NEGR1: variants seen among roughly 807,000 people sequenced by gnomAD.
NEGR1 encodes the protein IgLON family member 4.
A neutral mutation model predicts 40.9 loss-of-function variants in NEGR1; 10 were observed. That is an observed-to-expected ratio of 0.24 (90% CI 0.15 to 0.42). The LOEUF (loss-of-function observed/expected upper bound fraction) is 0.42, where lower values mean the gene tolerates loss of function less well. NEGR1 is among the 10% of genes least tolerant of loss of function. The pLI is 1.00. For missense variants in NEGR1, 352 were observed against 438.9 expected (o/e 0.80, Z 1.77); for synonymous variants, 185 against 166.8 (o/e 1.11, Z -0.84).
At chr1:72,074,790 A>G (rs2100516422) in intron 1 of NEGR1, among the ~76,000 whole-genome samples, 1 of 152,296 alleles carries the variant, frequency 6.6e-6, no homozygotes. Context: ...AACATAAATT[A>G]TCACTCATAT....
intron 2 of NEGR1, among the ~76,000 whole-genome samples, chr1:71,859,304 T>C (rs1659873753): frequency 6.6e-6 from 1 of 152,044 alleles, no homozygotes; most frequent in Non-Finnish European, 1.5e-5. Context: ...GTCTAGTATG[T>C]TCTTTCCTTA....
At chr1:71,967,093 T>C in intron 1 of NEGR1, among the ~76,000 whole-genome samples, 1 of 152,098 alleles carries the variant, frequency 6.6e-6, no homozygotes, top group East Asian at 1.9e-4. Flanking sequence ...TGAGTGGGTT[T>C]GAGGCTAAGA....
chr1:71,843,108 A>G (rs1286197389), intron 2 of NEGR1, among the ~76,000 whole-genome samples: 3 of 152,138 alleles, frequency 2.0e-5, no homozygotes, highest in Non-Finnish European at 4.4e-5. Flanking sequence ...CCAAATGGCA[A>G]ATGAATGTCG....
intron 2 of NEGR1, among the ~76,000 whole-genome samples, chr1:71,886,103 A>G (rs1173382215): frequency 6.6e-6 from 1 of 152,210 alleles, no homozygotes; most frequent in African/African-American, 2.4e-5. Flanking sequence ...GCTGAACGCT[A>G]ATATTTGCAA....
At chr1:71,577,308 C>T (rs1328998906) in intron 6 of NEGR1, among the ~76,000 whole-genome samples, 3 of 152,126 alleles carry the variant, frequency 2.0e-5, no homozygotes, top group African/African-American at 7.2e-5. Context: ...TTGTTTTAGA[C>T]ATTAAGATTT....
intron 6 of NEGR1, among the ~76,000 whole-genome samples, chr1:71,412,794 A>AGGTTGAAG (rs1646331853): frequency 2.0e-5 from 3 of 152,202 alleles, no homozygotes; most frequent in African/African-American, 7.2e-5. Context: ...AGGAAACAAA[A>AGGTTGAAG]GGTTGAAGAT....
intron 1 of NEGR1, among the ~76,000 whole-genome samples, chr1:72,091,342 C>T (rs1569948323): frequency 6.6e-6 from 1 of 151,594 alleles, no homozygotes; most frequent in East Asian, 2.0e-4. Flanking sequence ...CTCTTTTTCT[C>T]TCTCTCAGTT....
At chr1:72,243,469 T>G (rs1019740029) in intron 1 of NEGR1, among the ~76,000 whole-genome samples, 1 of 151,802 alleles carries the variant, frequency 6.6e-6, no homozygotes, top group Non-Finnish European at 1.5e-5. Context: ...AATCTGCACA[T>G]GTACCCCTTG....
intron 1 of NEGR1, among the ~76,000 whole-genome samples, chr1:72,014,667 T>A (rs893511717): frequency 6.6e-6 from 1 of 152,042 alleles, no homozygotes; most frequent in African/African-American, 2.4e-5. Context: ...CAAGATTTTG[T>A]TAAATAACAC....
At chr1:71,762,762 C>G (rs1220186267) in intron 3 of NEGR1, among the ~76,000 whole-genome samples, 1 of 152,016 alleles carries the variant, frequency 6.6e-6, no homozygotes, top group Admixed American at 6.5e-5. Flanking sequence ...AAAGGACATT[C>G]TATAAATGAC....
At chr1:72,036,955 A>C (rs755059895) in intron 1 of NEGR1, among the ~76,000 whole-genome samples, 1 of 152,120 alleles carries the variant, frequency 6.6e-6, no homozygotes, top group Non-Finnish European at 1.5e-5. Flanking sequence ...AAAATGGATG[A>C]TGTAAATCCT....
intron 2 of NEGR1, among the ~76,000 whole-genome samples, chr1:71,909,879 G>A (rs1428542538): frequency 1.3e-5 from 2 of 152,126 alleles, no homozygotes; most frequent in African/African-American, 4.8e-5. Flanking sequence ...TATTAAACAT[G>A]TGTAATCAAA....
intron 2 of NEGR1, among the ~76,000 whole-genome samples, chr1:71,814,858 G>T (rs1434614193): frequency 6.6e-6 from 1 of 151,882 alleles, no homozygotes; most frequent in Non-Finnish European, 1.5e-5. Flanking sequence ...CAAAAAACTA[G>T]CTCCTGGCTT....
intron 6 of NEGR1, among the ~76,000 whole-genome samples, chr1:71,530,613 C>T (rs1403334908): frequency 6.6e-6 from 1 of 151,326 alleles, no homozygotes; most frequent in Non-Finnish European, 1.5e-5. Flanking sequence ...AATTTCCCTA[C>T]AATAATCATT....
At chr1:71,457,697 C>T (rs932009399) in intron 6 of NEGR1, among the ~76,000 whole-genome samples, 10 of 152,070 alleles carry the variant, frequency 6.6e-5, no homozygotes, top group African/African-American at 1.7e-4. Context: ...TATTAGTTTT[C>T]CTTTTTCTTT....
At chr1:72,170,418 G>A (rs1313598127) in intron 1 of NEGR1, among the ~76,000 whole-genome samples, 1 of 152,016 alleles carries the variant, frequency 6.6e-6, no homozygotes, top group East Asian at 1.9e-4. Flanking sequence ...GAATGTAAAA[G>A]CTCCCTATGG....
chr1:72,176,864 A>G (rs1652185395), intron 1 of NEGR1, among the ~76,000 whole-genome samples: 1 of 152,074 alleles, frequency 6.6e-6, no homozygotes, highest in Non-Finnish European at 1.5e-5. Context: ...TAGATAGCTT[A>G]TATTAGTGGC....
At chr1:71,883,687 T>C (rs1318536742) in intron 2 of NEGR1, among the ~76,000 whole-genome samples, 1 of 151,878 alleles carries the variant, frequency 6.6e-6, no homozygotes, top group Non-Finnish European at 1.5e-5. Flanking sequence ...TAACTCATCA[T>C]TTACATTAGG....
intron 1 of NEGR1, among the ~76,000 whole-genome samples, chr1:72,096,818 G>C (rs981627873): frequency 6.6e-6 from 1 of 151,750 alleles, no homozygotes; most frequent in Admixed American, 6.6e-5. Flanking sequence ...CCGCCACAAC[G>C]CCCGGCTATT....
Sources: allele counts gnomAD v4.1 joint callset (sites outside exome capture counted in the v4.1 genomes callset), GRCh38; gene constraint gnomAD v4.1.1; transcripts MANE v1.5; gene names NCBI Gene and HGNC (gene_info 2026-07-23, HGNC 2026-07-21).